The following ONECUT2 variants were observed in gnomAD, a reference collection of about 807,000 sequenced individuals.
ONECUT2 encodes one cut homeobox 2.
A neutral mutation model predicts 27.9 loss-of-function variants in ONECUT2; 10 were observed. That is an observed-to-expected ratio of 0.36 (90% CI 0.22 to 0.61). ONECUT2 has a LOEUF of 0.61. Among genes scored for constraint, ONECUT2 ranks in the 20% least tolerant of loss-of-function variants. The pLI is 0.73. For missense variants in ONECUT2, 686 were observed against 721.0 expected (o/e 0.95, Z 0.56); for synonymous variants, 334 against 315.1 (o/e 1.06, Z -0.64).
chr18:57,473,510 G>A (rs1434294284), intron 1 of ONECUT2, among the ~76,000 whole-genome samples: 3 of 152,158 alleles, frequency 2.0e-5, no homozygotes, highest in Non-Finnish European at 2.9e-5. Flanking sequence ...TAATTTGCAA[G>A]GCCCCAGGTC....
At chr18:57,440,547 C>G (rs1227707650) in intron 1 of ONECUT2, among the ~76,000 whole-genome samples, 3 of 152,238 alleles carry the variant, frequency 2.0e-5, no homozygotes, top group Non-Finnish European at 4.4e-5. Context: ...CAGCAAGCTC[C>G]CAGCGGCCAG....
chr18:57,467,445 A>G (rs965213276), intron 1 of ONECUT2, among the ~76,000 whole-genome samples: 2 of 151,944 alleles, frequency 1.3e-5, no homozygotes, highest in Admixed American at 6.6e-5. Context: ...GGCTCACTGC[A>G]ATCTCTGCCT....
intron 1 of ONECUT2, among the ~76,000 whole-genome samples, chr18:57,456,525 G>A (rs182815219): frequency 2.0e-5 from 3 of 152,308 alleles, no homozygotes; most frequent in Non-Finnish European, 2.9e-5. Context: ...TCACTTATAT[G>A]AAGTGTCTAG....
rs2050399598 is a variant in ONECUT2, at chr18:57,478,779, C to T, written c.*2056C>T. The T allele has an allele frequency of 6.6e-6, 1 of 152,574 alleles. No homozygotes were observed. The highest frequency in any genetic ancestry group is 2.1e-4 in the South Asian group (1 of 4,826). 9.5% of individuals were successfully genotyped at this position (152,574 alleles called of 1,614,324 possible). ...ATACCAAAGATGAGGATTTCTCACACCTTTTGTTTCAGTTCATTATCTCCT... is the reference window on the plus strand; with the variant it reads ...ATACCAAAGATGAGGATTTCTCACATCTTTTGTTTCAGTTCATTATCTCCT... On this transcript the variant is annotated 3_prime_UTR_variant, in exon 2 of 2. Transcript: ENST00000491143.
chr18:57,446,159 C>T (rs773209559), intron 1 of ONECUT2, among the ~76,000 whole-genome samples: 8 of 152,350 alleles, frequency 5.3e-5, no homozygotes, highest in African/African-American at 9.6e-5. Flanking sequence ...CCCAGGGGCT[C>T]GGGCCAGCCC....
chr18:57,438,523 C>T (rs991438531), intron 1 of ONECUT2, among the ~76,000 whole-genome samples: 1 of 152,190 alleles, frequency 6.6e-6, no homozygotes, highest in Non-Finnish European at 1.5e-5. Flanking sequence ...GACCAACGCC[C>T]GACAGGGCTG....
chr18:57,436,400 C>A lies in ONECUT2; in HGVS notation c.684C>A (p.Ala228=). 2.5e-6 allele frequency: 4 copies of A among 1,610,458 alleles called. No homozygotes were observed. Among genetic ancestry groups the A allele is most frequent in the Non-Finnish European group, 3.4e-6 (4 of 1,179,802 alleles). The change falls in exon 1 of 2, where the codon GCC becomes GCA. Residue 228 remains alanine (A), a synonymous_variant. Transcript: ENST00000491143. The surrounding 1 kb of genome is among the most constrained non-coding windows in gnomAD (Gnocchi z 5.9). The part of the protein sequence containing the change: ...PGMSQSLSPL[A]ATPLGNGLGG... ...TGAGCCAGAGCCTGTCCCCGCTGGC[C>A]GCCACGCCGCTGGGCAACGGGCTAG... is the stretch of plus-strand genomic sequence containing the variant.
At chr18:57,450,888 C>T (rs1458343757) in intron 1 of ONECUT2, among the ~76,000 whole-genome samples, 1 of 151,690 alleles carries the variant, frequency 6.6e-6, no homozygotes, top group Non-Finnish European at 1.5e-5. Flanking sequence ...TATTATTTTC[C>T]TTTGATGAAT....
At chr18:57,452,524 A>T (rs2050236263) in intron 1 of ONECUT2, among the ~76,000 whole-genome samples, 1 of 152,144 alleles carries the variant, frequency 6.6e-6, no homozygotes, top group Non-Finnish European at 1.5e-5. Flanking sequence ...TACTGGGTTC[A>T]AGCTACTCTC....
In ONECUT2 at chr18:57,482,752, G is replaced by A. The variant is rs1398118593; in HGVS notation, c.*6029G>A. ...CACATTACCTATAGGTGTCTAGACT[G>A]TGTACATACAAGTGTGTACAGACAA... is the stretch of plus-strand genomic sequence containing the variant. On this transcript the variant is annotated 3_prime_UTR_variant, in exon 2 of 2. Transcript: ENST00000491143. 1 of 152,170 alleles carries A rather than the reference G, an allele frequency of 6.6e-6. No homozygotes were observed. Among genetic ancestry groups the A allele is most frequent in the Non-Finnish European group, 1.5e-5 (1 of 68,036 alleles). 9.4% of individuals were successfully genotyped at this position (152,170 alleles called of 1,614,324 possible).
chr18:57,446,757 G>T (rs1231587611), intron 1 of ONECUT2, among the ~76,000 whole-genome samples: 2 of 152,196 alleles, frequency 1.3e-5, no homozygotes, highest in Non-Finnish European at 2.9e-5. Context: ...GAAATCAACA[G>T]TTCTGCTGTC....
At chr18:57,464,761 G>A (rs2050311550) in intron 1 of ONECUT2, among the ~76,000 whole-genome samples, 1 of 152,172 alleles carries the variant, frequency 6.6e-6, no homozygotes, top group African/African-American at 2.4e-5. Context: ...CTTCATTCAT[G>A]TAATAAAACT....
At chr18:57,462,062 C>T (rs982107932) in intron 1 of ONECUT2, among the ~76,000 whole-genome samples, 7 of 152,228 alleles carry the variant, frequency 4.6e-5, no homozygotes, top group Admixed American at 1.3e-4. Context: ...GGAGAACTCC[C>T]GCAAGGCTGT....
intron 1 of ONECUT2, among the ~76,000 whole-genome samples, chr18:57,445,535 G>A (rs1294400821): frequency 6.6e-6 from 1 of 151,804 alleles, no homozygotes; most frequent in African/African-American, 2.4e-5. Flanking sequence ...TTTCTAATTG[G>A]CTATCTCTTG....
intron 1 of ONECUT2, among the ~76,000 whole-genome samples, chr18:57,445,377 C>T (rs1232275495): frequency 6.6e-6 from 1 of 152,162 alleles, no homozygotes; most frequent in Admixed American, 6.5e-5. Flanking sequence ...AGATATTGCT[C>T]AGTATCCCTC....
Position 57,479,538 on chromosome 18 carries a change from A to G in ONECUT2, c.*2815A>G, listed in dbSNP as rs897062879. On this transcript the variant is annotated 3_prime_UTR_variant, in exon 2 of 2. Coordinates refer to ENST00000491143, the MANE Select transcript of ONECUT2 (RefSeq NM_004852.3). ...TTTGAAGTATTCAGATCTCTATGGA[A>G]GTTTCTGGGACAGGTTTAAAGTCAA... 1 of 152,626 alleles carries G rather than the reference A, an allele frequency of 6.6e-6. No homozygotes were observed. The highest frequency in any genetic ancestry group is 2.1e-4 in the South Asian group (1 of 4,832). 9.5% of individuals were successfully genotyped at this position (152,626 alleles called of 1,614,324 possible).
intron 1 of ONECUT2, among the ~76,000 whole-genome samples, chr18:57,471,155 G>A (rs143020149): frequency 1.3e-5 from 2 of 152,162 alleles, no homozygotes; most frequent in Non-Finnish European, 2.9e-5. Context: ...ATCCCCTCTG[G>A]ATGGGAATCA....
At position 57,435,995 on chromosome 18, in the gene ONECUT2, G is replaced by T; in HGVS notation, c.279G>T (p.Thr93=). 3 of 1,482,210 alleles carry T rather than the reference G, an allele frequency of 2.0e-6. No individual in the cohort carries two copies. The highest frequency in any genetic ancestry group is 2.7e-6 in the Non-Finnish European group (3 of 1,118,948). 91.8% of individuals were successfully genotyped at this position (1,482,210 alleles called of 1,614,324 possible). A position where few individuals can be genotyped will look rare whatever the true frequency, so the allele number is the denominator to read the frequency against. The change falls in exon 1 of 2, where the codon ACG becomes ACT. Residue 93 remains threonine (T), a synonymous_variant. Transcript: ENST00000491143. ...PPPTAHQELG[T]AAAAAAAASR... ...CAACCGCGCACCAGGAGCTGGGCAC[G>T]GCGGCAGCGGCGGCAGCGGCGGCGT...
chr18:57,451,628 C>T (rs371886293), intron 1 of ONECUT2, among the ~76,000 whole-genome samples: 2 of 152,214 alleles, frequency 1.3e-5, no homozygotes, highest in Non-Finnish European at 2.9e-5. Flanking sequence ...TTCTCCATCC[C>T]GAGCCTTAGA....
Sources: allele counts gnomAD v4.1 joint callset (sites outside exome capture counted in the v4.1 genomes callset), GRCh38; gene constraint gnomAD v4.1.1; non-coding constraint Gnocchi (gnomAD v3.1); transcripts MANE v1.5; gene names NCBI Gene and HGNC (gene_info 2026-07-23, HGNC 2026-07-21).